KCND1: variants seen among roughly 807,000 people sequenced by gnomAD.
KCND1 encodes the protein potassium voltage-gated channel subfamily D member 1.
Under a neutral mutation model 31.8 loss-of-function variants are expected in KCND1, and 11 were observed. That is an observed-to-expected ratio of 0.35 (90% CI 0.22 to 0.57). The LOEUF (loss-of-function observed/expected upper bound fraction) is 0.57, where lower values mean the gene tolerates loss of function less well. KCND1 is among the 20% of genes least tolerant of loss of function. KCND1 has a pLI of 0.85. For synonymous variants in KCND1, 234 were observed against 248.1 expected (o/e 0.94, Z 0.53); for missense variants, 471 against 596.8 (o/e 0.79, Z 2.20).
Position 48,966,627 on chromosome X carries a change from G to A in KCND1, c.1418C>T (p.Ala473Val). ...EQALCVRNRS[A>V]FEQQHHHLLH... ...CAAGTGGTGATGTTGCTGTTCAAAG[G>A]CAGAACGGTTCCTGACACAAAGAGC... is the stretch of plus-strand genomic sequence containing the variant. Residue 473 changes from alanine (A) to valine (V), a missense_variant, in exon 4 of 6, where the codon GCC becomes GTC. Coordinates refer to ENST00000218176, the MANE Select transcript of KCND1 (RefSeq NM_004979.6). The A allele has an allele frequency of 8.3e-7, 1 of 1,210,144 alleles. No homozygotes were observed. The highest frequency in any genetic ancestry group is 1.1e-6 in the Non-Finnish European group (1 of 894,766).
chrX:48,971,503 G>GCC lies in KCND1; in HGVS notation c.-1233_-1232insGG, dbSNP rs1463609170. On this transcript the variant is annotated 5_prime_UTR_variant, in exon 1 of 6. The change creates a premature stop within an existing upstream ORF in the 5' untranslated region. Coordinates refer to ENST00000218176, the MANE Select transcript of KCND1 (RefSeq NM_004979.6). Reference sequence around the variant, plus strand: ...GGCTGGCGGTGTGTACTGGGCAGTGGCAGTAGCAGCAGCGGCAGCAGGAGG... The same window carrying GCC: ...GGCTGGCGGTGTGTACTGGGCAGTGGCCCAGTAGCAGCAGCGGCAGCAGGAGG... The GCC allele has an allele frequency of 3.5e-5, 4 of 113,063 alleles. No homozygotes were observed. The highest frequency in any genetic ancestry group is 5.5e-5 in the Non-Finnish European group (3 of 54,323). 9.3% of individuals were successfully genotyped at this position (113,063 alleles called of 1,213,427 possible).
chrX:48,962,158 G>A lies in KCND1; in HGVS notation c.*423C>T. The stretch of plus-strand genomic sequence containing the variant: ...ATCAGAGGTGAGGGTTCTCTTCTCT[G>A]AACCTCCAAAGCTCCATATCCCAGC... On this transcript the variant is annotated 3_prime_UTR_variant, in exon 6 of 6. Transcript: ENST00000218176. 1 of 131,367 alleles carries A rather than the reference G, an allele frequency of 7.6e-6. No individual in the cohort carries two copies. Among genetic ancestry groups the A allele is most frequent in the Admixed American group, 8.0e-5 (1 of 12,491 alleles). The allele number at this position is 131,367 out of a possible 1,213,427, so 10.8% of individuals were successfully genotyped here.
chrX:48,969,770 G>C lies in KCND1; in HGVS notation c.502C>G (p.Leu168Val), dbSNP rs1262465070. 8.3e-7 allele frequency: 1 copy of C among 1,208,106 alleles called. No individual in the cohort carries two copies. The highest frequency in any genetic ancestry group is 1.7e-5 in the African/African-American group (1 of 57,532). ...DGPALPAGSS[L>V]RQRLWRAFEN... ...AAGGCCCGCCAGAGCCGCTGCCGCA[G>C]GGAGCTGCCTGCTGGCAGGGCTGGG... is the stretch of plus-strand genomic sequence containing the variant. The change falls in exon 1 of 6, where the codon CTG (leucine) becomes GTG (valine). Residue 168 changes from leucine (L) to valine (V), a missense_variant. Transcript: ENST00000218176.
intron 3 of KCND1, 34 bp from the exon 4 acceptor site, chrX:48,966,710 A>C: frequency 8.3e-7 from 1 of 1,202,510 alleles, no homozygotes; most frequent in Non-Finnish European, 1.1e-6. Flanking sequence ...TAAGGGCAGC[A>C]CCTTCCTCCC....
chrX:48,962,837 T>TC, intron 5 of KCND1, 31 bp from the exon 6 acceptor site: 3 of 1,152,438 alleles, frequency 2.6e-6, no homozygotes, highest in Non-Finnish European at 3.5e-6. Flanking sequence ...GATGGAAGGC[T>TC]CTTAAAAAGT....
At position 48,962,715 on chromosome X, in the gene KCND1, G is replaced by C; in HGVS notation, c.1810C>G (p.Pro604Ala). The change falls in exon 6 of 6, where the codon CCT (proline) becomes GCT (alanine). Residue 604 changes from proline (P) to alanine (A), a missense_variant. Around this residue, in one of 3 missense-constraint regions of KCND1, gnomAD observed 185 missense variants for 184.7 expected, o/e 1.00. Coordinates refer to ENST00000218176, the MANE Select transcript of KCND1 (RefSeq NM_004979.6). ...FVAAIISIPTPPANTPDESQP... is the reference protein window; with the variant it reads ...FVAAIISIPTAPANTPDESQP... Reference sequence around the variant, plus strand: ...CTCTCATCTGGGGTGTTGGCAGGAGGGGTAGGGATGCTGATAATGGCAGCC... The same window carrying C: ...CTCTCATCTGGGGTGTTGGCAGGAGCGGTAGGGATGCTGATAATGGCAGCC... 5.0e-6 allele frequency: 6 copies of C among 1,210,797 alleles called. No homozygotes were observed. The highest frequency in any genetic ancestry group is 6.7e-6 in the Non-Finnish European group (6 of 894,888).
In KCND1 at chrX:48,966,863, A is replaced by G; in HGVS notation, c.1285-19T>C. On this transcript the variant is annotated intron_variant, in intron 2 of 5. Transcript: ENST00000218176. ...GCACCTTCTGCAGAGAGAGGAGATA[A>G]AAGGTCAGGTGGGTAAGCCCCAAAG... The G allele has an allele frequency of 8.3e-7, 1 of 1,202,789 alleles. No individual in the cohort carries two copies. The highest frequency in any genetic ancestry group is 1.7e-5 in the African/African-American group (1 of 57,231).
intron 5 of KCND1, among the ~76,000 whole-genome samples, chrX:48,964,452 G>T (rs1039098146): frequency 6.3e-5 from 7 of 110,952 alleles, no homozygotes; most frequent in African/African-American, 2.3e-4. Flanking sequence ...GGAGGCGGAG[G>T]TTCCAGTGAG....
rs377522825 is a variant in KCND1, at chrX:48,966,936, G to A, written c.1284+8C>T. On this transcript the variant is annotated splice_region_variant and intron_variant, in intron 2 of 5. Transcript: ENST00000218176. ...AGTAGGAGGTGCTCGGATGGAAAGT[G>A]CGGTTACCTGCTGTGCTCGGCGCTT... 8.3e-6 allele frequency: 10 copies of A among 1,207,248 alleles called. No homozygotes were observed. In the African/African-American group the frequency reaches 1.8e-4, roughly 21 times the overall value.
chrX:48,966,554 A>G (rs782128991), intron 4 of KCND1, 24 bp downstream of exon 4: 3 of 1,183,930 alleles, frequency 2.5e-6, no homozygotes, highest in South Asian at 1.8e-5. Context: ...CTATTCTGCT[A>G]TATCACCTCA....
rs2089548015 is a variant in KCND1 at position 48,961,555 on chromosome X, G to A, written c.*1026C>T. 2 of 112,644 alleles carry A rather than the reference G, an allele frequency of 1.8e-5. No individual in the cohort carries two copies. The highest frequency in any genetic ancestry group is 1.9e-4 in the Admixed American group (2 of 10,649). 9.3% of individuals were successfully genotyped at this position (112,644 alleles called of 1,213,427 possible). On this transcript the variant is annotated 3_prime_UTR_variant, in exon 6 of 6. Transcript: ENST00000218176. ...AGAAAGGAATATGTGAAAAGGAATT[G>A]TAGGGGAGGAGGAGGAGGAGAAGTT...
rs2064327488 is a variant in KCND1 at position 48,962,601 on chromosome X, C to T, written c.1924G>A (p.Val642Ile). The change falls in exon 6 of 6, where the codon GTC becomes ATC. Residue 642 changes from valine to isoleucine, a missense_variant. Val to Ile is a conservative substitution (Grantham distance 29, BLOSUM62 3). Transcript: ENST00000218176. Reference sequence around the variant, plus strand: ...ACCCCTCACAGGGATGAGATCTTGACAGTCTCGGGGAAGAGGCAAGGGGTA... The same window carrying T: ...ACCCCTCACAGGGATGAGATCTTGATAGTCTCGGGGAAGAGGCAAGGGGTA... ...LGTPCLFPET[V>I]KISSL is the part of the protein sequence containing the mutation. 4 of 1,204,032 alleles carry T rather than the reference C, an allele frequency of 3.3e-6. No individual in the cohort carries two copies. Among genetic ancestry groups the T allele is most frequent in the African/African-American group, 1.8e-5 (1 of 56,887 alleles).
chrX:48,966,118 C>T lies in KCND1; in HGVS notation c.1655G>A (p.Ser552Asn), dbSNP rs370776478. The T allele has an allele frequency of 1.7e-6, 2 of 1,209,630 alleles. No homozygotes were observed. Among genetic ancestry groups the T allele is most frequent in the Non-Finnish European group, 2.2e-6 (2 of 895,191 alleles). Residue 552 changes from serine to asparagine, a missense_variant, in exon 5 of 6, where the codon AGC becomes AAC. Physicochemically the swap from Ser to Asn is conservative, Grantham distance 46. This residue lies in a region of KCND1 where 185 missense variants were observed against 184.7 expected (regional missense o/e 1.00). Transcript: ENST00000218176. ...IRLANSTASV[S>N]RGSMQELDML... ...GTCCAGCTCCTGCATGCTGCCACGG[C>T]TGACTGAGGCAGTGGAGTTGGCAAG...
chrX:48,969,729 C>T lies in KCND1; in HGVS notation c.543G>A (p.Thr181=), dbSNP rs782707450. The T allele has an allele frequency of 4.1e-6, 5 of 1,209,010 alleles. No individual in the cohort carries two copies. The South Asian group carries it at 7.1e-5, about 17-fold the overall frequency. Residue 181 remains threonine, a synonymous_variant, in exon 1 of 6, where the codon ACG becomes ACA. Coordinates refer to ENST00000218176, the MANE Select transcript of KCND1 (RefSeq NM_004979.6). The part of the protein sequence containing the change: ...RLWRAFENPH[T]STAALVFYYV... ...AGTAGAAAACGAGGGCTGCGGTGCTCGTGTGTGGATTCTCGAAGGCCCGCC... is the reference window on the plus strand; with the variant it reads ...AGTAGAAAACGAGGGCTGCGGTGCTTGTGTGTGGATTCTCGAAGGCCCGCC...
intron 5 of KCND1, among the ~76,000 whole-genome samples, chrX:48,963,135 C>CA (rs2064332952): frequency 3.7e-5 from 3 of 81,754 alleles, no homozygotes; most frequent in African/African-American, 4.8e-5. Context: ...GACTCTGTCT[C>CA]AACAAAAAAA....
chrX:48,969,841 G>T lies in KCND1; in HGVS notation c.431C>A (p.Ala144Asp). Residue 144 changes from alanine (A) to aspartate (D), a missense_variant, in exon 1 of 6, where the codon GCC becomes GAC. By Grantham distance (126) the Ala-to-Asp change is moderately radical. Around this residue, in one of 3 missense-constraint regions of KCND1, gnomAD observed 212 missense variants for 257.9 expected, o/e 0.82. Transcript: ENST00000218176. ...EEYRDRKKEN[A>D]ERLAEDEEAE... ...CTCCTCATCCTCTGCCAGGCGCTCG[G>T]CATTCTCCTTCTTTCGGTCCCGATA... is the stretch of plus-strand genomic sequence containing the variant. The T allele has an allele frequency of 8.3e-7, 1 of 1,210,510 alleles. No individual in the cohort carries two copies. Among genetic ancestry groups the T allele is most frequent in the Non-Finnish European group, 1.1e-6 (1 of 894,871 alleles).
rs868959532 is a variant in KCND1, at chrX:48,964,879, G to A, written c.1718+1176C>T. Among the ~76,000 whole-genome samples, 10 of 104,694 alleles carry A rather than the reference G, an allele frequency of 9.6e-5. No homozygotes were observed. The East Asian group carries it at 1.9e-3, about 19-fold the overall frequency. The allele number at this position is 104,694 out of a possible 115,157, so 90.9% of individuals were successfully genotyped here. A position where few individuals can be genotyped will look rare whatever the true frequency, so the allele number is the denominator to read the frequency against. On this transcript the variant is annotated intron_variant, in intron 5 of 5. Transcript: ENST00000218176. ...TCTACTAAAAATACAAAAATTAGCCGGGTATGGTGGCACGTGCCTGTAGTC... is the reference window on the plus strand; with the variant it reads ...TCTACTAAAAATACAAAAATTAGCCAGGTATGGTGGCACGTGCCTGTAGTC...
At position 48,966,668 on chromosome X, in the gene KCND1, G is replaced by A. The variant is rs782423589; in HGVS notation, c.1377C>T (p.Gly459=). 56 of 1,206,920 alleles carry A rather than the reference G, an allele frequency of 4.6e-5. No homozygotes were observed. In the Admixed American group the frequency reaches 1.1e-3, roughly 24 times the overall value. Residue 459 remains glycine (G), a synonymous_variant, in exon 4 of 6, where the codon GGC becomes GGT. Coordinates refer to ENST00000218176, the MANE Select transcript of KCND1 (RefSeq NM_004979.6). ...YKQNGGLEDS[G]SGEEQALCVR... is the part of the protein sequence containing the mutation. ...CACAAAGAGCCTGTTCCTCGCCACT[G>A]CCGCTGTCCTGGAGTAGATGGAGCA...
Position 48,967,113 on chromosome X carries a change from C to T in KCND1, c.1122-7G>A, listed in dbSNP as rs781993581. 9.9e-6 allele frequency: 12 copies of T among 1,207,487 alleles called. No individual in the cohort carries two copies. The East Asian group carries it at 1.5e-4, about 15-fold the overall frequency. On this transcript the variant is annotated splice_polypyrimidine_tract_variant and splice_region_variant and intron_variant, in intron 1 of 5. Coordinates refer to ENST00000218176, the MANE Select transcript of KCND1 (RefSeq NM_004979.6). ...GGGCACCATGTCTCCGTAGCTGGAG[C>T]GAGGGGAGGTAGGCCAAGGTCAGGA...
Sources: allele counts gnomAD v4.1 joint callset (sites outside exome capture counted in the v4.1 genomes callset), GRCh38; gene constraint gnomAD v4.1.1; regional missense constraint gnomAD v4.1.1; transcripts MANE v1.5; gene names NCBI Gene and HGNC (gene_info 2026-07-23, HGNC 2026-07-21).